Variants in GALT observed in about 807,000 individuals in gnomAD.
GALT encodes the protein UDP-glucose--hexose-1-phosphate uridylyltransferase.
A neutral mutation model predicts 55.4 loss-of-function variants in GALT; 42 were observed. The observed-to-expected ratio is 0.76, with a 90% CI of 0.59 to 0.98. The LOEUF (loss-of-function observed/expected upper bound fraction) is 0.98, where lower values mean the gene tolerates loss of function less well. GALT is among the 50% of genes least tolerant of loss of function. GALT has a pLI of 0.00. For missense variants in GALT, 407 were observed against 495.7 expected (o/e 0.82, Z 1.70); for synonymous variants, 154 against 181.5 (o/e 0.85, Z 1.22).
At chr9:34,649,265 C>T (rs1821193047) in intron 9 of GALT, 145 bp from the exon 10 acceptor site, 1 of 1,264,714 alleles carries the variant, frequency 7.9e-7, no homozygotes, top group Non-Finnish European at 1.1e-6. Context: ...CTCCAATGTG[C>T]TTTCTAATCT....
rs1821172709 is a variant in GALT at position 34,648,688 on chromosome 9, C to G, written c.688-74C>G. On this transcript the variant is annotated intron_variant, in intron 7 of 10. Transcript: ENST00000378842. The surrounding 1 kb of genome is among the most constrained non-coding windows in gnomAD (Gnocchi z 4.9). ...CTGGGCACATTCTTTTCTTCTGCTT[C>G]CCTTGCCTATTTGCTGACCACACTC... is the stretch of plus-strand genomic sequence containing the variant. 6.3e-7 allele frequency: 1 copy of G among 1,588,116 alleles called. No individual in the cohort carries two copies. Among genetic ancestry groups the G allele is most frequent in the East Asian group, 2.2e-5 (1 of 44,804 alleles).
In GALT at chr9:34,650,476, C is replaced by T. The variant is rs1474034612; in HGVS notation, c.*27C>T. On this transcript the variant is annotated 3_prime_UTR_variant, in exon 11 of 11. Transcript: ENST00000378842. ...CACGCCGACCACAGGGCCTTGAATC[C>T]TTTTTTGTTTTCAACAGTCTTGCTG... 20 of 1,608,954 alleles carry T rather than the reference C, an allele frequency of 1.2e-5. No homozygotes were observed. Among genetic ancestry groups the T allele is most frequent in the Non-Finnish European group, 1.4e-5 (17 of 1,175,710 alleles).
At position 34,648,960 on chromosome 9, in the gene GALT, A is replaced by C; in HGVS notation, c.821-38A>C. The C allele has an allele frequency of 6.2e-7, 1 of 1,613,844 alleles. No individual in the cohort carries two copies. The highest frequency in any genetic ancestry group is 1.1e-5 in the South Asian group (1 of 91,088). On this transcript the variant is annotated intron_variant, in intron 8 of 10. Coordinates refer to ENST00000378842, the MANE Select transcript of GALT (RefSeq NM_000155.4). The surrounding 1 kb of genome is among the most constrained non-coding windows in gnomAD (Gnocchi z 4.9). ...GGAGGTTGCTCCCAGTAGGGTCAGC[A>C]TCTGGACCCCAGGCTGAGAGTCAGG...
intron 9 of GALT, 92 bp downstream of exon 9, chr9:34,649,173 C>A: frequency 2.2e-6 from 3 of 1,383,370 alleles, no homozygotes; most frequent in African/African-American, 1.4e-5. Flanking sequence ...AAGGAGCAAG[C>A]CTTGAAACAG....
chr9:34,649,102 A>G (rs1171486191), intron 9 of GALT, 21 bp downstream of exon 9: 6 of 1,607,200 alleles, frequency 3.7e-6, no homozygotes, highest in Admixed American at 1.7e-5. Flanking sequence ...TCAAGTACCT[A>G]TATTTAGCCC....
chr9:34,647,212 A>G lies in GALT; in HGVS notation c.206A>G (p.Asp69Gly). 1 of 1,614,054 alleles carries G rather than the reference A, an allele frequency of 6.2e-7. No homozygotes were observed. The highest frequency in any genetic ancestry group is 1.7e-5 in the Admixed American group (1 of 60,012). ...PQLLKTVPRHDPLNPLCPGAI... is the reference protein window; with the variant it reads ...PQLLKTVPRHGPLNPLCPGAI... ...CTTCTGAAGACAGTGCCCCGCCATGACCCTCTCAACCCTCTGTGTCCTGGG... is the reference window on the plus strand; with the variant it reads ...CTTCTGAAGACAGTGCCCCGCCATGGCCCTCTCAACCCTCTGTGTCCTGGG... Residue 69 changes from aspartate (D) to glycine (G), a missense_variant, in exon 2 of 11, where the codon GAC becomes GGC. Transcript: ENST00000378842. This position sits in a 1 kb window ranked among gnomAD's most constrained non-coding sequence, Gnocchi z 5.6.
intron 10 of GALT, 83 bp downstream of exon 10, chr9:34,649,647 T>C: frequency 6.6e-7 from 1 of 1,513,840 alleles, no homozygotes; most frequent in African/African-American, 1.4e-5. Flanking sequence ...GCCCTTGTGC[T>C]CCAGTCATTG....
At chr9:34,650,327 C>A in intron 10 of GALT, 42 bp from the exon 11 acceptor site, 2 of 1,420,002 alleles carry the variant, frequency 1.4e-6, no homozygotes, top group Non-Finnish European at 2.0e-6. Context: ...TCTTGGCAGC[C>A]CAGCCCTTAT....
intron 10 of GALT, 43 bp downstream of exon 10, chr9:34,649,607 C>G (rs1004517257): frequency 1.9e-6 from 3 of 1,606,018 alleles, no homozygotes; most frequent in Non-Finnish European, 2.6e-6. Flanking sequence ...CTCTCACATG[C>G]AGTATGTGCA....
Position 34,647,604 on chromosome 9 carries a change from G to C in GALT, c.328+37G>C. On this transcript the variant is annotated intron_variant, in intron 3 of 10. Coordinates refer to ENST00000378842, the MANE Select transcript of GALT (RefSeq NM_000155.4). The surrounding 1 kb of genome is among the most constrained non-coding windows in gnomAD (Gnocchi z 5.6). ...CCAACTGCTGCTGGGGAGGAGGGTG[G>C]CTAGACCTCTTGAGGGACTTCTGCT... 2 of 1,614,036 alleles carry C rather than the reference G, an allele frequency of 1.2e-6. No homozygotes were observed. The highest frequency in any genetic ancestry group is 1.7e-6 in the Non-Finnish European group (2 of 1,179,952).
intron 10 of GALT, chr9:34,649,884 TCA>T: frequency 3.0e-6 from 1 of 331,140 alleles, no homozygotes; most frequent in Non-Finnish European, 5.6e-6. Context: ...ATCACCAGCC[TCA>T]CAATCCCACA....
intron 9 of GALT, 117 bp downstream of exon 9, chr9:34,649,198 G>C: frequency 7.9e-7 from 1 of 1,264,198 alleles, no homozygotes; most frequent in Non-Finnish European, 1.2e-6. Context: ...TGGGGGAAGT[G>C]GCCAGAGTAG....
intron 9 of GALT, 146 bp downstream of exon 9, chr9:34,649,227 TGGA>T: frequency 8.5e-7 from 1 of 1,180,740 alleles, no homozygotes; most frequent in Non-Finnish European, 1.3e-6. Context: ...GGACTGAGGG[TGGA>T]GCAGCAAACT....
At position 34,646,964 on chromosome 9, in the gene GALT, GC is replaced by G. The variant is rs1268500061; in HGVS notation, c.83-123del. 7 of 1,605,526 alleles carry G rather than the reference GC, an allele frequency of 4.4e-6. No homozygotes were observed. The East Asian group carries it at 1.6e-4, about 36-fold the overall frequency. On this transcript the variant is annotated intron_variant, in intron 1 of 10. Coordinates refer to ENST00000378842, the MANE Select transcript of GALT (RefSeq NM_000155.4). ...TGGCGCTGGGAAAGTCCAATCCTGG[GC>G]CTCTAGCTCCTGAGCGGGACAGGGC...
At position 34,650,596 on chromosome 9, in the gene GALT, A is replaced by G. The variant is rs73501024; in HGVS notation, c.*147A>G. The G allele has an allele frequency of 1.7e-3, 1,120 of 671,348 alleles. 11 individuals are homozygous for G. In the African/African-American group the frequency reaches 0.017, roughly 10 times the overall value. The allele number at this position is 671,348 out of a possible 1,614,324, so 41.6% of individuals were successfully genotyped here. On this transcript the variant is annotated 3_prime_UTR_variant, in exon 11 of 11. Coordinates refer to ENST00000378842, the MANE Select transcript of GALT (RefSeq NM_000155.4). ...TCTCAAACTTTTATCACATACTCTA[A>G]TATCAGAGGAGTGTGAACCTTCAGA...
rs1821143152 is a variant in GALT, at chr9:34,647,758, C to T, written c.377+53C>T. Reference sequence around the variant, plus strand: ...TTTCAAACCAGAGTTGGAGACTCAGCATTGGGGTTCGGCCCTGCCCGTAGC... The same window carrying T: ...TTTCAAACCAGAGTTGGAGACTCAGTATTGGGGTTCGGCCCTGCCCGTAGC... On this transcript the variant is annotated intron_variant, in intron 4 of 10. Transcript: ENST00000378842. This position sits in a 1 kb window ranked among gnomAD's most constrained non-coding sequence, Gnocchi z 5.6. 1.2e-6 allele frequency: 2 copies of T among 1,613,976 alleles called. No individual in the cohort carries two copies. Among genetic ancestry groups the T allele is most frequent in the Non-Finnish European group, 1.7e-6 (2 of 1,179,826 alleles).
In GALT at chr9:34,647,788, C is replaced by A; in HGVS notation, c.378-44C>A. On this transcript the variant is annotated intron_variant, in intron 4 of 10. Coordinates refer to ENST00000378842, the MANE Select transcript of GALT (RefSeq NM_000155.4). This position sits in a 1 kb window ranked among gnomAD's most constrained non-coding sequence, Gnocchi z 5.6. Reference sequence around the variant, plus strand: ...GGGTTCGGCCCTGCCCGTAGCACAGCCAAGCCCTACCTCTCGGTTATCTTT... The same window carrying A: ...GGGTTCGGCCCTGCCCGTAGCACAGACAAGCCCTACCTCTCGGTTATCTTT... 1 of 1,614,208 alleles carries A rather than the reference C, an allele frequency of 6.2e-7. No individual in the cohort carries two copies. Among genetic ancestry groups the A allele is most frequent in the Non-Finnish European group, 8.5e-7 (1 of 1,180,024 alleles).
At chr9:34,650,127 T>A in intron 10 of GALT, 2 of 502,888 alleles carry the variant, frequency 4.0e-6, no homozygotes, top group East Asian at 3.4e-5. Flanking sequence ...AAAAAAAATT[T>A]AAAAAGTTAG....
At chr9:34,650,300 G>GAAAAAAAAAAAA (rs1406959631) in intron 10 of GALT, 69 bp from the exon 11 acceptor site, 2 of 442,836 alleles carry the variant, frequency 4.5e-6, no homozygotes, top group Non-Finnish European at 7.3e-6. Flanking sequence ...AAAAAAAAAT[G>GAAAAAAAAAAAA]AAGTCCATGC....
Sources: allele counts gnomAD v4.1 joint callset, GRCh38; gene constraint gnomAD v4.1.1; non-coding constraint Gnocchi (gnomAD v3.1); transcripts MANE v1.5; gene names NCBI Gene and HGNC (gene_info 2026-07-23, HGNC 2026-07-21).